The following TESC variants were observed in gnomAD, a reference collection of about 807,000 sequenced individuals.
The protein encoded by TESC is tescalcin, also known as calcineurin B homologous protein 3.
A neutral mutation model predicts 31.0 loss-of-function variants in TESC; 19 were observed. The observed-to-expected ratio is 0.61, with a 90% CI of 0.43 to 0.90. The LOEUF is 0.90. Among genes scored for constraint, TESC ranks in the 40% least tolerant of loss-of-function variants. The pLI is 0.00. For synonymous variants in TESC, 109 were observed against 114.8 expected, an observed-to-expected ratio of 0.95 and a Z score of 0.32; for missense variants, 248 against 303.8, an observed-to-expected ratio of 0.82 and a Z score of 1.36.
At chr12:117,085,775 C>T (rs1424009876) in intron 1 of TESC, among the ~76,000 whole-genome samples, 1 of 152,230 alleles carries the variant, frequency 6.6e-6, no homozygotes, top group Non-Finnish European at 1.5e-5. Context: ...TCCCACTCAG[C>T]TGTCACCCTG....
intron 3 of TESC, among the ~76,000 whole-genome samples, chr12:117,049,963 A>G (rs1391306334): frequency 6.6e-6 from 1 of 151,428 alleles, no homozygotes; most frequent in Admixed American, 6.6e-5. Context: ...TTTTATCTTA[A>G]TTTTGTCAGA....
intron 6 of TESC, among the ~76,000 whole-genome samples, chr12:117,042,960 A>C (rs1365115467): frequency 1.3e-5 from 2 of 152,088 alleles, no homozygotes; most frequent in Non-Finnish European, 2.9e-5. Flanking sequence ...AAATTGAAAA[A>C]GCTGCAACCT....
chr12:117,092,634 C>T (rs1360667616), intron 1 of TESC, among the ~76,000 whole-genome samples: 6 of 152,160 alleles, frequency 3.9e-5, no homozygotes, highest in Admixed American at 1.3e-4. Flanking sequence ...GGTCCTTCCC[C>T]CTGGTTTCAC....
chr12:117,088,320 C>G (rs1955248749), intron 1 of TESC, among the ~76,000 whole-genome samples: 1 of 152,140 alleles, frequency 6.6e-6, no homozygotes, highest in Admixed American at 6.5e-5. Flanking sequence ...GTTTTCACAG[C>G]CTTCCAGAAC....
At chr12:117,059,228 C>T (rs936822420) in intron 2 of TESC, among the ~76,000 whole-genome samples, 1 of 152,206 alleles carries the variant, frequency 6.6e-6, no homozygotes, top group Non-Finnish European at 1.5e-5. Context: ...ATTCTGTGAA[C>T]GCCTTGTGGC....
intron 2 of TESC, among the ~76,000 whole-genome samples, chr12:117,072,517 T>G (rs1262482878): frequency 1.3e-5 from 2 of 152,232 alleles, no homozygotes; most frequent in African/African-American, 4.8e-5. Context: ...CTAATACAGT[T>G]GGACTCCGAA....
At chr12:117,044,753 C>T (rs182193863) in intron 6 of TESC, among the ~76,000 whole-genome samples, 2 of 152,234 alleles carry the variant, frequency 1.3e-5, no homozygotes, top group African/African-American at 4.8e-5. Context: ...AAAAATTAGC[C>T]GGGCGTAGTG....
intron 1 of TESC, among the ~76,000 whole-genome samples, chr12:117,097,754 C>T (rs1019115232): frequency 6.6e-6 from 1 of 152,134 alleles, no homozygotes; most frequent in Admixed American, 6.5e-5. Flanking sequence ...CCCCCGCAAC[C>T]CCCACCAAGC....
chr12:117,091,386 G>A (rs2135803850), intron 1 of TESC, among the ~76,000 whole-genome samples: 1 of 152,312 alleles, frequency 6.6e-6, no homozygotes, highest in Non-Finnish European at 1.5e-5. Flanking sequence ...TCAACACCCA[G>A]GTTATTCTGT....
At chr12:117,078,891 T>A (rs1955108280) in intron 1 of TESC, among the ~76,000 whole-genome samples, 1 of 152,212 alleles carries the variant, frequency 6.6e-6, no homozygotes, top group Non-Finnish European at 1.5e-5. Context: ...CATGATCCCA[T>A]CTGGATGGCT....
In TESC at chr12:117,056,873, T is replaced by C; in HGVS notation, c.142A>G (p.Asn48Asp). The part of the protein sequence containing the change: ...DQPTIRKENF[N>D]NVPDLELNPI... ...TTGAGCTCCAGGTCCGGGACATTGT[T>C]GAAGTTCTCCTTGCTGGTTTCCAAG... The change falls in exon 3 of 8, where the codon AAC (asparagine) becomes GAC (aspartate). Residue 48 changes from asparagine to aspartate, a missense_variant. Coordinates refer to ENST00000335209, the MANE Select transcript of TESC (RefSeq NM_017899.4). The C allele has an allele frequency of 6.2e-7, 1 of 1,614,096 alleles. No individual in the cohort carries two copies.
chr12:117,080,623 G>A lies in TESC; in HGVS notation c.59-5283C>T, dbSNP rs116056340. Reference sequence around the variant, plus strand: ...CTCACAGCTCAGGGAAGACTCCTCTGGCACAGTAACTGAGAGAAAGGATGA... The same window carrying A: ...CTCACAGCTCAGGGAAGACTCCTCTAGCACAGTAACTGAGAGAAAGGATGA... On this transcript the variant is annotated intron_variant, in intron 1 of 7. Transcript: ENST00000335209. 2.5e-3 allele frequency among the ~76,000 whole-genome samples: 384 copies of A among 152,262 alleles called. 2 individuals carry two copies. Among genetic ancestry groups the A allele is most frequent in the African/African-American group, 9.1e-3 (377 of 41,542 alleles).
chr12:117,049,328 C>G (rs1231019253), intron 3 of TESC, among the ~76,000 whole-genome samples, 170 bp from the exon 4 acceptor site: 1 of 152,250 alleles, frequency 6.6e-6, no homozygotes, highest in African/African-American at 2.4e-5. Context: ...GGGCTGCAGG[C>G]TCCGGAAGCT....
At chr12:117,067,396 C>G (rs1392519123) in intron 2 of TESC, among the ~76,000 whole-genome samples, 1 of 152,028 alleles carries the variant, frequency 6.6e-6, no homozygotes, top group Non-Finnish European at 1.5e-5. Context: ...AGACTCGCAT[C>G]TCTACAAAAA....
intron 6 of TESC, 54 bp downstream of exon 6, chr12:117,046,505 G>A: frequency 1.3e-6 from 2 of 1,488,188 alleles, no homozygotes; most frequent in South Asian, 1.3e-5. Flanking sequence ...CAGAAACGCA[G>A]ACCATAAGCG....
chr12:117,040,011 G>T (rs7978725), intron 7 of TESC, among the ~76,000 whole-genome samples: 5 of 152,302 alleles, frequency 3.3e-5, no homozygotes, highest in Admixed American at 1.3e-4. Context: ...CGTGGTGGGC[G>T]GGTGACTTCT....
intron 2 of TESC, among the ~76,000 whole-genome samples, chr12:117,066,571 T>G (rs1954886870): frequency 6.6e-6 from 1 of 151,976 alleles, no homozygotes; most frequent in Non-Finnish European, 1.5e-5. Flanking sequence ...TTCACTGTGT[T>G]AGCCAGGATG....
At chr12:117,047,528 G>C (rs1236744238) in intron 4 of TESC, among the ~76,000 whole-genome samples, 1 of 152,114 alleles carries the variant, frequency 6.6e-6, no homozygotes, top group African/African-American at 2.4e-5. Flanking sequence ...GGGTTCGAGA[G>C]ATTCTCCTGC....
At chr12:117,081,882 C>G (rs1191380039) in intron 1 of TESC, among the ~76,000 whole-genome samples, 1 of 150,610 alleles carries the variant, frequency 6.6e-6, no homozygotes, top group Non-Finnish European at 1.5e-5. Flanking sequence ...CCAGCCTGGG[C>G]AACAAGAGCA....
Sources: gnomAD v4.1 joint callset for allele counts (sites outside exome capture counted in the v4.1 genomes callset) on GRCh38, gnomAD v4.1.1 for gene constraint, MANE v1.5 for transcripts, NCBI Gene and HGNC (gene_info 2026-07-23, HGNC 2026-07-21) for gene names.